The following DMBX1 variants were observed in gnomAD, a reference collection of about 807,000 sequenced individuals.
DMBX1 encodes diencephalon/mesencephalon homeobox protein 1.
DMBX1 carries 7 observed loss-of-function variants against 30.4 expected under a neutral mutation model. The observed-to-expected ratio is 0.23, with a 90% CI of 0.13 to 0.43. The LOEUF (loss-of-function observed/expected upper bound fraction) is 0.43. Among genes scored for constraint, DMBX1 ranks in the 20% least tolerant of loss-of-function variants. The pLI, the probability that DMBX1 is intolerant of heterozygous loss-of-function variation, is 1.00. For missense variants in DMBX1, 460 were observed against 508.5 expected (o/e 0.90, Z 0.92); for synonymous variants, 222 against 214.2 (o/e 1.04, Z -0.32).
At position 46,512,117 on chromosome 1, in the gene DMBX1, T is replaced by TCGTCCC; in HGVS notation, c.760_765dup (p.Ser254_Pro255dup). 1.2e-6 allele frequency: 2 copies of TCGTCCC among 1,613,846 alleles called. No individual in the cohort carries two copies. The highest frequency in any genetic ancestry group is 1.1e-5 in the South Asian group (1 of 91,078). On this transcript the variant is annotated inframe_insertion, in exon 6 of 6. Transcript: ENST00000360032. This position sits in a 1 kb window ranked among gnomAD's most constrained non-coding sequence, Gnocchi z 4.8. The stretch of plus-strand genomic sequence containing the variant: ...CCTGGGCCCCTCCCACTCCTATTCC[T>TCGTCCC]CGTCCCCGCTGAGCCTCTTCCGTCT...
chr1:46,502,885 T>G (rs1191957114), intron 2 of DMBX1, among the ~76,000 whole-genome samples: 1 of 150,928 alleles, frequency 6.6e-6, no homozygotes, highest in Admixed American at 6.6e-5. Context: ...GTCTCAGAAA[T>G]AAAAAAAACA....
At chr1:46,502,359 CT>C (rs11447451) in intron 2 of DMBX1, among the ~76,000 whole-genome samples, 5 of 149,458 alleles carry the variant, frequency 3.3e-5, no homozygotes, top group East Asian at 3.9e-4. Flanking sequence ...CTGAGTTATC[CT>C]TTTTTTTTTC....
chr1:46,494,370 C>T (rs774885988), intron 2 of DMBX1, among the ~76,000 whole-genome samples: 11 of 152,346 alleles, frequency 7.2e-5, no homozygotes, highest in East Asian at 3.9e-4. Flanking sequence ...TTAAGGACCT[C>T]GGAAAACTGG....
At position 46,514,492 on chromosome 1, in the gene DMBX1, A is replaced by G. The variant is rs1666452689; in HGVS notation, c.*1998A>G. Among the ~76,000 whole-genome samples, 1 of 152,218 alleles carries G rather than the reference A, an allele frequency of 6.6e-6. No homozygotes were observed. Among genetic ancestry groups the G allele is most frequent in the Non-Finnish European group, 1.5e-5 (1 of 68,028 alleles). ...CTGTAGACACTGCCTCAGTTTCCCC[A>G]TAGGCATAATGGGTCCCTTCTAGTT... On this transcript the variant is annotated 3_prime_UTR_variant, in exon 6 of 6. Coordinates refer to ENST00000360032, the MANE Select transcript of DMBX1 (RefSeq NM_172225.2).
chr1:46,500,039 A>G (rs1666094473), intron 2 of DMBX1, among the ~76,000 whole-genome samples: 1 of 152,208 alleles, frequency 6.6e-6, no homozygotes, highest in Non-Finnish European at 1.5e-5. Flanking sequence ...CAGTTGAGCT[A>G]GGCCTTATGG....
Position 46,513,567 on chromosome 1 carries a change from C to G in DMBX1, c.*1073C>G, listed in dbSNP as rs1390810528. 6.6e-6 allele frequency: 1 copy of G among 152,266 alleles called. No individual in the cohort carries two copies. The highest frequency in any genetic ancestry group is 2.4e-5 in the African/African-American group (1 of 41,456). The allele number at this position is 152,266 out of a possible 1,614,324, so 9.4% of individuals were successfully genotyped here. On this transcript the variant is annotated 3_prime_UTR_variant, in exon 6 of 6. Transcript: ENST00000360032. ...CAGAGGCCCGGTGACACAGTTCAGCCAGGACTGACCACAGGGCTCTAGAGC... is the reference window on the plus strand; with the variant it reads ...CAGAGGCCCGGTGACACAGTTCAGCGAGGACTGACCACAGGGCTCTAGAGC...
In DMBX1 at chr1:46,497,628, C is replaced by T. The variant is rs187544227; in HGVS notation, c.-13+6845C>T. 1.2e-3 allele frequency among the ~76,000 whole-genome samples: 183 copies of T among 152,322 alleles called. 1 individual carries two copies. Among genetic ancestry groups the T allele is most frequent in the Non-Finnish European group, 2.2e-3 (149 of 68,030 alleles). ...CCACTTTCTTTTTAATCAAAGACGT[C>T]TTGCATGCATTTTCATGGCACTGCT... On this transcript the variant is annotated intron_variant, in intron 2 of 5. Transcript: ENST00000360032.
intron 2 of DMBX1, among the ~76,000 whole-genome samples, 85 bp downstream of exon 2, chr1:46,490,868 C>T (rs562180251): frequency 1.3e-5 from 2 of 152,338 alleles, no homozygotes; most frequent in East Asian, 3.9e-4. Flanking sequence ...CAGGCGAGCT[C>T]CGGCGAGGAA....
intron 2 of DMBX1, among the ~76,000 whole-genome samples, chr1:46,496,023 A>T (rs1447462306): frequency 6.6e-6 from 1 of 152,076 alleles, no homozygotes; most frequent in Non-Finnish European, 1.5e-5. Context: ...GGCCTGGCCC[A>T]CCCCACCCTC....
At chr1:46,490,302 G>C (rs1170369090) in intron 1 of DMBX1, among the ~76,000 whole-genome samples, 1 of 152,196 alleles carries the variant, frequency 6.6e-6, no homozygotes, top group Non-Finnish European at 1.5e-5. Context: ...GGCACCCGCG[G>C]AGAACGCTTC....
chr1:46,507,070 G>A lies in DMBX1; in HGVS notation c.60G>A (p.Met20Ile), dbSNP rs766936004. The change falls in exon 3 of 6, where the codon ATG (methionine) becomes ATA (isoleucine). Residue 20 changes from methionine (M) to isoleucine (I), a missense_variant. By Grantham distance (10) the Met-to-Ile change is conservative (BLOSUM62 1). Coordinates refer to ENST00000360032, the MANE Select transcript of DMBX1 (RefSeq NM_172225.2). Reference protein sequence around the residue: ...SLHAMNSLSAMYNLHQQAAQQ... With the variant: ...SLHAMNSLSAIYNLHQQAAQQ... The stretch of plus-strand genomic sequence containing the variant: ...ACGCCATGAACTCACTCAGCGCCAT[G>A]TACAACCTGCACCAGCAGGCAGCCC... 3 of 1,614,238 alleles carry A rather than the reference G, an allele frequency of 1.9e-6. No individual in the cohort carries two copies. Among genetic ancestry groups the A allele is most frequent in the Non-Finnish European group, 2.5e-6 (3 of 1,180,046 alleles).
Position 46,491,890 on chromosome 1 carries a change from C to T in DMBX1, c.-13+1107C>T, listed in dbSNP as rs1665935665. Among the ~76,000 whole-genome samples the T allele has an allele frequency of 6.6e-6, 1 of 152,116 alleles. No individual in the cohort carries two copies. The highest frequency in any genetic ancestry group is 2.1e-4 in the South Asian group (1 of 4,814). ...CTGTGTTTATGTGTGTCTAGGTGTT[C>T]AGAAAAAAATCGAATTTGCTGCCTA... On this transcript the variant is annotated intron_variant, in intron 2 of 5. Transcript: ENST00000360032. This position sits in a 1 kb window ranked among gnomAD's most constrained non-coding sequence, Gnocchi z 5.5.
rs1389717951 is a variant in DMBX1, at chr1:46,493,832, C to T, written c.-13+3049C>T. On this transcript the variant is annotated intron_variant, in intron 2 of 5. Coordinates refer to ENST00000360032, the MANE Select transcript of DMBX1 (RefSeq NM_172225.2). This position sits in a 1 kb window ranked among gnomAD's most constrained non-coding sequence, Gnocchi z 4.1. ...TGCGCCCGCAGGACAGACCCTCCTC[C>T]GAGTTCCTCCAGCCGTTTGGAGGCC... Among the ~76,000 whole-genome samples the T allele has an allele frequency of 2.0e-5, 3 of 152,282 alleles. No individual in the cohort carries two copies. The highest frequency in any genetic ancestry group is 2.1e-4 in the South Asian group (1 of 4,834).
In DMBX1 at chr1:46,507,172, C is replaced by A. The variant is rs372474908; in HGVS notation, c.154+8C>A. On this transcript the variant is annotated splice_region_variant and intron_variant, in intron 3 of 5. Transcript: ENST00000360032. ...TGGCTGAGCGCCTGGCTGGTAAGGG[C>A]CCTGGGGATGGGACCATGGGGACAG... The A allele has an allele frequency of 1.7e-5, 27 of 1,613,788 alleles. No individual in the cohort carries two copies. The highest frequency in any genetic ancestry group is 2.2e-5 in the Non-Finnish European group (26 of 1,179,902).
Position 46,512,085 on chromosome 1 carries a change from G to A in DMBX1, c.725G>A (p.Gly242Asp), listed in dbSNP as rs1241391587. 3 of 1,613,356 alleles carry A rather than the reference G, an allele frequency of 1.9e-6. No individual in the cohort carries two copies. The highest frequency in any genetic ancestry group is 2.2e-5 in the East Asian group (1 of 44,860). Residue 242 changes from glycine to aspartate, a missense_variant, in exon 6 of 6, where the codon GGT (glycine) becomes GAT (aspartate). Gly to Asp is a moderately conservative substitution (Grantham distance 94). Transcript: ENST00000360032. This position sits in a 1 kb window ranked among gnomAD's most constrained non-coding sequence, Gnocchi z 4.8. ...ACCATCACTCCTGTGGCCCCAGGGG[G>A]TGGCCTCCTGGGCCCCTCCCACTCC... is the stretch of plus-strand genomic sequence containing the variant. ...SLTITPVAPG[G>D]GLLGPSHSYS...
In DMBX1 at chr1:46,514,834, G is replaced by A. The variant is rs1666461608; in HGVS notation, c.*2340G>A. ...TGCCCATCACCCTTGATGGGGGTCA[G>A]CCTAGGCTGGGGCAGATGGAGAAGG... On this transcript the variant is annotated 3_prime_UTR_variant, in exon 6 of 6. Transcript: ENST00000360032. 6.6e-6 allele frequency among the ~76,000 whole-genome samples: 1 copy of A among 152,196 alleles called. No homozygotes were observed. Among genetic ancestry groups the A allele is most frequent in the African/African-American group, 2.4e-5 (1 of 41,440 alleles).
intron 1 of DMBX1, among the ~76,000 whole-genome samples, chr1:46,490,403 A>G (rs1665907077): frequency 6.6e-6 from 1 of 152,026 alleles, no homozygotes; most frequent in African/African-American, 2.4e-5. Flanking sequence ...AGCGGAGACA[A>G]ATCCTTCTCA....
At position 46,513,422 on chromosome 1, in the gene DMBX1, A is replaced by T. The variant is rs1666426513; in HGVS notation, c.*928A>T. The T allele has an allele frequency of 6.6e-6, 1 of 152,104 alleles. No homozygotes were observed. Among genetic ancestry groups the T allele is most frequent in the Non-Finnish European group, 1.5e-5 (1 of 68,026 alleles). The allele number at this position is 152,104 out of a possible 1,614,324, so 9.4% of individuals were successfully genotyped here. ...AGGCTGGCATCTAGAAGGCGTCATG[A>T]ATTACTTTCTCTTCTCTCTTCTCAA... is the stretch of plus-strand genomic sequence containing the variant. On this transcript the variant is annotated 3_prime_UTR_variant, in exon 6 of 6. Transcript: ENST00000360032.
chr1:46,490,750 C>G lies in DMBX1; in HGVS notation c.-46C>G, dbSNP rs1665914642. 6.6e-6 allele frequency among the ~76,000 whole-genome samples: 1 copy of G among 152,270 alleles called. No individual in the cohort carries two copies. Among genetic ancestry groups the G allele is most frequent in the African/African-American group, 2.4e-5 (1 of 41,480 alleles). ...GTTCGGCGCTCAGCCAGCCTCTGCCCTCGAAGACGCGGCCTTGGTCTAGGA... is the reference window on the plus strand; with the variant it reads ...GTTCGGCGCTCAGCCAGCCTCTGCCGTCGAAGACGCGGCCTTGGTCTAGGA... On this transcript the variant is annotated 5_prime_UTR_variant, in exon 2 of 6. Coordinates refer to ENST00000360032, the MANE Select transcript of DMBX1 (RefSeq NM_172225.2).
Sources: gnomAD v4.1 joint callset for allele counts (sites outside exome capture counted in the v4.1 genomes callset) on GRCh38, gnomAD v4.1.1 for gene constraint, Gnocchi (gnomAD v3.1) non-coding constraint, MANE v1.5 for transcripts, NCBI Gene and HGNC (gene_info 2026-07-23, HGNC 2026-07-21) for gene names.